CSMD2: variants seen among roughly 807,000 people sequenced by gnomAD.
The protein encoded by CSMD2 is CUB and sushi domain-containing protein 2.
CSMD2 carries 130 observed loss-of-function variants against 398.5 expected under a neutral mutation model. The observed-to-expected ratio is 0.33, with a 90% CI of 0.28 to 0.38. The LOEUF (loss-of-function observed/expected upper bound fraction) is 0.38. Ranked by LOEUF, CSMD2 falls within the 10% of genes least tolerant of loss-of-function variation. The pLI, the probability that CSMD2 is intolerant of heterozygous loss-of-function variation, is 1.00. For missense variants in CSMD2, 3,829 were observed against 4,764.9 expected (o/e 0.80, Z 5.78); for synonymous variants, 1,828 against 1,908.5 (o/e 0.96, Z 1.10).
chr1:33,870,942 A>C (rs953788332), intron 5 of CSMD2: 5 of 152,334 alleles, frequency 3.3e-5, no homozygotes, highest in African/African-American at 9.7e-5. Flanking sequence ...GCTTCTGGCC[A>C]ACACCCAGTG....
At chr1:33,637,323 A>G (rs1642864221) in intron 29 of CSMD2, among the ~76,000 whole-genome samples, 1 of 152,184 alleles carries the variant, frequency 6.6e-6, no homozygotes, top group Admixed American at 6.5e-5. Context: ...CAGTTTATGA[A>G]AACCACAGTA....
intron 26 of CSMD2, among the ~76,000 whole-genome samples, chr1:33,660,542 C>T (rs1053904758): frequency 1.3e-5 from 2 of 152,184 alleles, no homozygotes; most frequent in Admixed American, 6.5e-5. Flanking sequence ...TGGGGTGAGC[C>T]GTTCTCTCTT....
At position 34,162,871 on chromosome 1, in the gene CSMD2, A is replaced by G. The variant is rs139238812; in HGVS notation, c.187+2040T>C. Among the ~76,000 whole-genome samples, 371 of 152,310 alleles carry G rather than the reference A, an allele frequency of 2.4e-3. 1 individual carries two copies. In the Middle Eastern group the frequency reaches 0.027, roughly 11 times the overall value. ...CAAAACTCCGTCTTAAAAAAAATTT[A>G]AAAAGAAAGAGAAGAAAAGAAAAGA... On this transcript the variant is annotated intron_variant, in intron 1 of 70. Coordinates refer to ENST00000373381, the MANE Select transcript of CSMD2 (RefSeq NM_001281956.2).
At chr1:33,922,441 G>A (rs1181618807) in intron 4 of CSMD2, among the ~76,000 whole-genome samples, 1 of 152,138 alleles carries the variant, frequency 6.6e-6, no homozygotes, top group Non-Finnish European at 1.5e-5. Flanking sequence ...GGTCCACATA[G>A]TCTCATTTAA....
At chr1:33,958,868 A>AT (rs888736253) in intron 3 of CSMD2, among the ~76,000 whole-genome samples, 15 of 152,152 alleles carry the variant, frequency 9.9e-5, no homozygotes, top group South Asian at 2.1e-4. Flanking sequence ...GTGCGTGGTG[A>AT]TTTTTTTTAT....
chr1:33,903,965 G>T lies in CSMD2; in HGVS notation c.920+14129C>A, dbSNP rs1050167920. ...GGGAACAGCTAGTGCAGAAGCCCGA[G>T]CAGGGAACCTGCTTAGCCCACCCTA... is the stretch of plus-strand genomic sequence containing the variant. On this transcript the variant is annotated intron_variant, in intron 5 of 70. Transcript: ENST00000373381. 2.0e-5 allele frequency among the ~76,000 whole-genome samples: 3 copies of T among 152,320 alleles called. No homozygotes were observed. In the South Asian group the frequency reaches 6.2e-4, roughly 32 times the overall value.
chr1:33,706,416 A>T (rs546056078), intron 22 of CSMD2, among the ~76,000 whole-genome samples: 280 of 152,244 alleles, frequency 1.8e-3, no homozygotes, highest in Non-Finnish European at 3.3e-3. Flanking sequence ...TTTCATCTCT[A>T]TTCAATCTCT....
At chr1:33,693,422 T>G (rs1355016139) in intron 24 of CSMD2, among the ~76,000 whole-genome samples, 1 of 152,212 alleles carries the variant, frequency 6.6e-6, no homozygotes, top group Non-Finnish European at 1.5e-5. Flanking sequence ...CCCACTGGGA[T>G]GTCTATAGTC....
intron 10 of CSMD2, among the ~76,000 whole-genome samples, chr1:33,796,952 A>T (rs1038245175): frequency 6.6e-6 from 1 of 152,204 alleles, no homozygotes; most frequent in African/African-American, 2.4e-5. Context: ...GGTCTCCTGC[A>T]GTACCCTCAG....
chr1:33,766,228 G>C (rs1650478033), intron 13 of CSMD2, among the ~76,000 whole-genome samples: 1 of 152,140 alleles, frequency 6.6e-6, no homozygotes, highest in South Asian at 2.1e-4. Flanking sequence ...TGTATCTACG[G>C]AACATGTCCC....
At chr1:33,672,293 G>A (rs933571862) in intron 25 of CSMD2, among the ~76,000 whole-genome samples, 2 of 152,226 alleles carry the variant, frequency 1.3e-5, no homozygotes, top group Non-Finnish European at 2.9e-5. Flanking sequence ...TTTCCAATGG[G>A]CTTAACAAAC....
chr1:33,844,989 A>G (rs1661213210), intron 6 of CSMD2, among the ~76,000 whole-genome samples: 2 of 152,250 alleles, frequency 1.3e-5, no homozygotes, highest in Admixed American at 1.3e-4. Context: ...GCATTTAAAA[A>G]TAAAAATGAC....
intron 5 of CSMD2, among the ~76,000 whole-genome samples, chr1:33,890,499 G>T (rs1641931241): frequency 1.3e-5 from 2 of 152,102 alleles, no homozygotes; most frequent in Middle Eastern, 3.4e-3. Context: ...CAAAGTGCTG[G>T]GATTACAGGC....
At chr1:33,652,771 C>T (rs553682587) in intron 27 of CSMD2, among the ~76,000 whole-genome samples, 3 of 152,288 alleles carry the variant, frequency 2.0e-5, no homozygotes, top group Admixed American at 6.5e-5. Context: ...TTTTTTGAGA[C>T]GGAGTCTCGC....
At chr1:34,076,767 C>T (rs959835128) in intron 2 of CSMD2, among the ~76,000 whole-genome samples, 2 of 151,336 alleles carry the variant, frequency 1.3e-5, no homozygotes, top group East Asian at 1.9e-4. Flanking sequence ...TGATACACCC[C>T]GTTTATCAAT....
chr1:33,788,164 G>A (rs1298863954), intron 12 of CSMD2, among the ~76,000 whole-genome samples: 1 of 152,108 alleles, frequency 6.6e-6, no homozygotes, highest in Non-Finnish European at 1.5e-5. Context: ...CTGGGGCTCA[G>A]AGAAGTGGAA....
intron 37 of CSMD2, among the ~76,000 whole-genome samples, chr1:33,619,366 C>T (rs1444180294): frequency 4.6e-5 from 7 of 152,192 alleles, no homozygotes; most frequent in African/African-American, 1.7e-4. Flanking sequence ...CCAGTGCCCA[C>T]AGGCAGCTAG....
chr1:34,004,293 AT>A (rs940277543), intron 3 of CSMD2, among the ~76,000 whole-genome samples: 1 of 152,172 alleles, frequency 6.6e-6, no homozygotes, highest in Admixed American at 6.5e-5. Context: ...CACCCTTTGG[AT>A]TTCCCTGGAA....
intron 6 of CSMD2, among the ~76,000 whole-genome samples, chr1:33,829,571 C>T (rs185178963): frequency 9.2e-5 from 14 of 152,190 alleles, no homozygotes; most frequent in East Asian, 3.9e-4. Context: ...CAGCTCCCAG[C>T]GTGAGCGACG....
Sources: allele counts gnomAD v4.1 joint callset (sites outside exome capture counted in the v4.1 genomes callset), GRCh38; gene constraint gnomAD v4.1.1; transcripts MANE v1.5; gene names NCBI Gene and HGNC (gene_info 2026-07-23, HGNC 2026-07-21).